Variants in LINGO2 observed in about 807,000 individuals in gnomAD.
LINGO2 encodes the protein leucine-rich repeat and immunoglobulin-like domain-containing nogo receptor-interacting protein 2.
In LINGO2, 14 loss-of-function variants were observed where a neutral mutation model predicts 30.6. The ratio of observed to expected loss-of-function variants is 0.46; its 90% CI spans 0.30 to 0.72. The LOEUF (loss-of-function observed/expected upper bound fraction) is 0.72. Ranked by LOEUF, LINGO2 falls within the 30% of genes least tolerant of loss-of-function variation. LINGO2 has a pLI of 0.07. For missense variants in LINGO2, 729 were observed against 751.7 expected (o/e 0.97, Z 0.35); for synonymous variants, 317 against 288.5 (o/e 1.10, Z -1.00).
chr9:28,314,102 T>A (rs1444785386), intron 3 of LINGO2, among the ~76,000 whole-genome samples: 2 of 152,046 alleles, frequency 1.3e-5, no homozygotes, highest in African/African-American at 2.4e-5. Flanking sequence ...GCCCGGCTAA[T>A]TTTTTGTATT....
At chr9:28,836,801 A>C in the LINGO2 span, among the ~76,000 whole-genome samples, 325 of 152,316 alleles carry the variant, frequency 2.1e-3, 1 homozygote, top group Non-Finnish European at 2.3e-3. Flanking sequence ...TCCTGACCTT[A>C]CATCATTATT....
intron 2 of LINGO2, among the ~76,000 whole-genome samples, chr9:28,383,005 A>T (rs1042774004): frequency 6.6e-6 from 1 of 152,066 alleles, no homozygotes; most frequent in Non-Finnish European, 1.5e-5. Flanking sequence ...AAGAACAAGG[A>T]TCCTATAGTA....
the LINGO2 span, among the ~76,000 whole-genome samples, chr9:28,903,902 C>T: frequency 1.1e-5 from 1 of 94,496 alleles, no homozygotes; most frequent in Non-Finnish European, 2.2e-5. Context: ...CAAAGGAAGA[C>T]AGGGACAGTG....
chr9:28,322,438 T>TACACACAC (rs61397051), intron 3 of LINGO2, among the ~76,000 whole-genome samples: 2 of 150,466 alleles, frequency 1.3e-5, no homozygotes, highest in African/African-American at 2.4e-5. Flanking sequence ...AGGCACTCAG[T>TACACACAC]ACACACACAC....
chr9:28,418,275 C>CTT (rs3064826), intron 2 of LINGO2, among the ~76,000 whole-genome samples: 4,090 of 106,694 alleles, frequency 0.038, 288 homozygotes, highest in African/African-American at 0.11. Flanking sequence ...AGGCCATGTA[C>CTT]TTTTTTTTTT....
At chr9:29,122,432 C>T in the LINGO2 span, among the ~76,000 whole-genome samples, 1 of 151,920 alleles carries the variant, frequency 6.6e-6, no homozygotes, top group African/African-American at 2.4e-5. Context: ...TAAGACTACA[C>T]AATTAAACTC....
intron 5 of LINGO2, among the ~76,000 whole-genome samples, chr9:27,961,026 T>A (rs1279959492): frequency 6.6e-6 from 1 of 152,208 alleles, no homozygotes; most frequent in Non-Finnish European, 1.5e-5. Flanking sequence ...GAAAGCAATA[T>A]GCATTCAGCA....
chr9:28,576,524 A>T (rs1486908396), intron 1 of LINGO2, among the ~76,000 whole-genome samples: 1 of 152,224 alleles, frequency 6.6e-6, no homozygotes, highest in Non-Finnish European at 1.5e-5. Context: ...TTATGCAGAT[A>T]TTCCGGAATA....
chr9:28,873,647 C>A, the LINGO2 span, among the ~76,000 whole-genome samples: 1 of 152,122 alleles, frequency 6.6e-6, no homozygotes, highest in East Asian at 1.9e-4. Context: ...TAAAGCCCCC[C>A]AAGGATGTCA....
At chr9:28,618,599 G>T (rs1826244392) in intron 1 of LINGO2, among the ~76,000 whole-genome samples, 2 of 152,068 alleles carry the variant, frequency 1.3e-5, no homozygotes, top group Admixed American at 6.6e-5. Flanking sequence ...TGACCTGTAT[G>T]ATCTTGCCCT....
At chr9:29,097,719 T>A in the LINGO2 span, among the ~76,000 whole-genome samples, 1 of 138,918 alleles carries the variant, frequency 7.2e-6, no homozygotes, top group African/African-American at 2.7e-5. Context: ...AATCGCTTGG[T>A]AGTATTTATT....
At chr9:28,154,310 G>T (rs2133568605) in intron 4 of LINGO2, among the ~76,000 whole-genome samples, 1 of 152,264 alleles carries the variant, frequency 6.6e-6, no homozygotes, top group South Asian at 2.1e-4. Context: ...ATAATATTAA[G>T]ACGTTTTCCT....
At chr9:28,223,621 A>C (rs1045250327) in intron 4 of LINGO2, among the ~76,000 whole-genome samples, 2 of 152,186 alleles carry the variant, frequency 1.3e-5, no homozygotes, top group African/African-American at 4.8e-5. Flanking sequence ...AAACAAAAAG[A>C]CTAGTTTAAT....
At chr9:28,355,055 C>G (rs1368829066) in intron 3 of LINGO2, among the ~76,000 whole-genome samples, 2 of 152,118 alleles carry the variant, frequency 1.3e-5, no homozygotes, top group Non-Finnish European at 2.9e-5. Context: ...CCAAAACATT[C>G]TAAAACTAAG....
At chr9:28,636,718 T>C (rs1245933291) in intron 1 of LINGO2, among the ~76,000 whole-genome samples, 1 of 152,228 alleles carries the variant, frequency 6.6e-6, no homozygotes. Context: ...ATTCTGGATA[T>C]TAGTGCTTTG....
chr9:29,050,071 G>C, the LINGO2 span, among the ~76,000 whole-genome samples: 1 of 151,772 alleles, frequency 6.6e-6, no homozygotes, highest in Non-Finnish European at 1.5e-5. Flanking sequence ...TGTCACCCAG[G>C]CTTGAGTGCA....
At chr9:28,189,530 AGGG>A (rs1564029018) in intron 4 of LINGO2, among the ~76,000 whole-genome samples, 7 of 28,272 alleles carry the variant, frequency 2.5e-4, no homozygotes, top group Non-Finnish European at 2.7e-4. Context: ...GAAGGAAGGG[AGGG>A]AGGGAGGGAG....
the LINGO2 span, among the ~76,000 whole-genome samples, chr9:29,055,811 G>A: frequency 6.6e-5 from 10 of 151,748 alleles, no homozygotes; most frequent in Non-Finnish European, 1.3e-4. Flanking sequence ...GAGAACATGC[G>A]ATGTTTGTTT....
intron 3 of LINGO2, among the ~76,000 whole-genome samples, chr9:28,315,780 C>T (rs889426331): frequency 6.6e-6 from 1 of 152,026 alleles, no homozygotes; most frequent in African/African-American, 2.4e-5. Context: ...CAAATTTTAT[C>T]GTTTTCTAAT....
Sources: gnomAD v4.1 joint callset for allele counts (sites outside exome capture counted in the v4.1 genomes callset) on GRCh38, gnomAD v4.1.1 for gene constraint, MANE v1.5 for transcripts, NCBI Gene and HGNC (gene_info 2026-07-23, HGNC 2026-07-21) for gene names.